The following PPP6C variants were observed in gnomAD, a reference collection of about 807,000 sequenced individuals.
The protein encoded by PPP6C is protein phosphatase 6 catalytic subunit, also known as serine/threonine-protein phosphatase 6 catalytic subunit.
Under a neutral mutation model 39.8 loss-of-function variants are expected in PPP6C, and 11 were observed. That is an observed-to-expected ratio of 0.28 (90% CI 0.17 to 0.46). The LOEUF is 0.46. PPP6C is among the 20% of genes least tolerant of loss of function. The pLI, the probability that PPP6C is intolerant of heterozygous loss-of-function variation, is 1.00. For missense variants in PPP6C, 211 were observed against 373.9 expected (o/e 0.56, Z 3.59); for synonymous variants, 129 against 130.3 (o/e 0.99, Z 0.07).
rs1402761632 is a variant in PPP6C, at chr9:125,153,973, GT to G, written c.391del (p.Thr131ProfsTer21). ...CCAGGCATTAGCATTTCCATATTTG[GT>G]TTGGCACTCATCTGTGAAAGAAACA... Reference protein sequence around the residue: ...QVYGFYDECQTKYGNANAWRY... With the variant: ...QVYGFYDECQXKYGNANAWRY... On this transcript the variant is annotated frameshift_variant, in exon 5 of 7. Coordinates refer to ENST00000373547, the MANE Select transcript of PPP6C (RefSeq NM_002721.5). LOFTEE classifies it high-confidence loss of function. The G allele has an allele frequency of 6.2e-7, 1 of 1,608,198 alleles. No homozygotes were observed. The highest frequency in any genetic ancestry group is 8.5e-7 in the Non-Finnish European group (1 of 1,174,966).
rs150207010 is a variant in PPP6C at position 125,181,780 on chromosome 9, T to C, written c.75+7864A>G. 2.8e-3 allele frequency among the ~76,000 whole-genome samples: 434 copies of C among 152,356 alleles called. 6 individuals carry two copies. The highest frequency in any genetic ancestry group is 0.018 in the East Asian group (91 of 5,184). Reference sequence around the variant, plus strand: ...GTAAACATGCAAGTGCATGCATCTTTATAGTAGAATGATTTATAATCCTTT... The same window carrying C: ...GTAAACATGCAAGTGCATGCATCTTCATAGTAGAATGATTTATAATCCTTT... On this transcript the variant is annotated intron_variant, in intron 1 of 6. Transcript: ENST00000373547.
intron 1 of PPP6C, among the ~76,000 whole-genome samples, chr9:125,181,953 C>A (rs566987976): frequency 6.6e-6 from 1 of 152,340 alleles, no homozygotes; most frequent in East Asian, 1.9e-4. Context: ...TCCAAATCGT[C>A]TCCAGCACCT....
chr9:125,162,815 C>T lies in PPP6C; in HGVS notation c.172-1909G>A, dbSNP rs1215209122. 4.0e-5 allele frequency among the ~76,000 whole-genome samples: 6 copies of T among 150,798 alleles called. No individual in the cohort carries two copies. The East Asian group carries it at 7.8e-4, about 20-fold the overall frequency. ...AAAGTGGGCCAAGCACAGAGGCTCACGCCTGTAATCCCAGCACTTTGGGAG... is the reference window on the plus strand; with the variant it reads ...AAAGTGGGCCAAGCACAGAGGCTCATGCCTGTAATCCCAGCACTTTGGGAG... On this transcript the variant is annotated intron_variant, in intron 2 of 6. Coordinates refer to ENST00000373547, the MANE Select transcript of PPP6C (RefSeq NM_002721.5).
chr9:125,173,999 T>G (rs773226357), intron 1 of PPP6C, among the ~76,000 whole-genome samples: 2 of 152,130 alleles, frequency 1.3e-5, no homozygotes, highest in African/African-American at 2.4e-5. Flanking sequence ...CCAAAAAATG[T>G]CATAGAAAGC....
chr9:125,180,777 T>C (rs945646054), intron 1 of PPP6C, among the ~76,000 whole-genome samples: 5 of 152,192 alleles, frequency 3.3e-5, no homozygotes, highest in African/African-American at 7.2e-5. Flanking sequence ...GTTCTCCTAG[T>C]CCATAAGGCC....
chr9:125,189,766 G>A lies in PPP6C; in HGVS notation c.-48C>T, dbSNP rs776599357. The A allele has an allele frequency of 6.5e-7, 1 of 1,544,112 alleles. No homozygotes were observed. Among genetic ancestry groups the A allele is most frequent in the Non-Finnish European group, 8.7e-7 (1 of 1,146,466 alleles). On this transcript the variant is annotated 5_prime_UTR_variant, in exon 1 of 7. Transcript: ENST00000373547. ...AACAGCGGCGGCGGCGGCTGTAGCA[G>A]CGGCGGCGGCAGCGGCGGAGGCCGA...
chr9:125,188,919 C>G (rs1287222139), intron 1 of PPP6C: 1 of 1,548,414 alleles, frequency 6.5e-7, no homozygotes, highest in Non-Finnish European at 8.7e-7. Context: ...AGGAACTCAC[C>G]TCCTTTAGAA....
At chr9:125,154,585 G>A (rs181429216) in intron 4 of PPP6C, among the ~76,000 whole-genome samples, 2 of 152,292 alleles carry the variant, frequency 1.3e-5, no homozygotes, top group African/African-American at 4.8e-5. Context: ...CATTAGAAGA[G>A]TTAAATACTA....
At chr9:125,179,890 A>C (rs560348968) in intron 1 of PPP6C, among the ~76,000 whole-genome samples, 1 of 152,188 alleles carries the variant, frequency 6.6e-6, no homozygotes, top group African/African-American at 2.4e-5. Context: ...TCCTGACCTC[A>C]GGTGATCCAC....
intron 6 of PPP6C, among the ~76,000 whole-genome samples, chr9:125,151,957 C>G (rs1835958399): frequency 6.6e-6 from 1 of 152,162 alleles, no homozygotes; most frequent in Non-Finnish European, 1.5e-5. Flanking sequence ...TTGTTGAGAA[C>G]AACCAGCAGC....
At chr9:125,160,177 G>A (rs1828826812) in intron 3 of PPP6C, among the ~76,000 whole-genome samples, 1 of 152,140 alleles carries the variant, frequency 6.6e-6, no homozygotes, top group African/African-American at 2.4e-5. Context: ...ATAGATTAAC[G>A]AGAGATAAAA....
intron 1 of PPP6C, 157 bp downstream of exon 1, chr9:125,189,487 C>T (rs1198182344): frequency 2.1e-6 from 3 of 1,452,296 alleles, no homozygotes; most frequent in African/African-American, 2.9e-5. Flanking sequence ...GCTCGCGAGA[C>T]CCTCGGCGTG....
chr9:125,180,387 T>C (rs1336297213), intron 1 of PPP6C, among the ~76,000 whole-genome samples: 1 of 152,198 alleles, frequency 6.6e-6, no homozygotes, highest in African/African-American at 2.4e-5. Flanking sequence ...AGAACAAATA[T>C]GCCAGGAACT....
intron 6 of PPP6C, chr9:125,151,404 C>G (rs1835938819): frequency 4.4e-6 from 4 of 914,882 alleles, no homozygotes; most frequent in Admixed American, 1.7e-5. Context: ...TCTGGTCCAG[C>G]TATTTCTCAC....
intron 6 of PPP6C, 46 bp downstream of exon 6, chr9:125,153,487 C>T (rs778129239): frequency 1.9e-6 from 3 of 1,553,946 alleles, no homozygotes; most frequent in Non-Finnish European, 2.6e-6. Flanking sequence ...CTCTATGCAG[C>T]CCATTAGCAA....
intron 6 of PPP6C, among the ~76,000 whole-genome samples, chr9:125,150,172 G>T (rs77350437): frequency 6.6e-6 from 1 of 152,016 alleles, no homozygotes; most frequent in African/African-American, 2.4e-5. Context: ...CATTCAATAG[G>T]TACTATGAAA....
At chr9:125,174,860 C>G (rs1829261410) in intron 1 of PPP6C, among the ~76,000 whole-genome samples, 1 of 151,736 alleles carries the variant, frequency 6.6e-6, no homozygotes, top group African/African-American at 2.4e-5. Flanking sequence ...TGCAGTGTGC[C>G]GAGATCGCGC....
chr9:125,160,977 A>G, intron 2 of PPP6C, 71 bp from the exon 3 acceptor site: 1 of 1,105,794 alleles, frequency 9.0e-7, no homozygotes, highest in Non-Finnish European at 1.3e-6. Flanking sequence ...ACTGAGAGTG[A>G]AATGTGTAAA....
intron 2 of PPP6C, among the ~76,000 whole-genome samples, chr9:125,161,823 C>T (rs1386979710): frequency 6.6e-6 from 1 of 152,106 alleles, no homozygotes; most frequent in Non-Finnish European, 1.5e-5. Flanking sequence ...ATTACCCTAG[C>T]CCTAATTTCC....
Sources: gnomAD v4.1 joint callset for allele counts (sites outside exome capture counted in the v4.1 genomes callset) on GRCh38, gnomAD v4.1.1 for gene constraint, MANE v1.5 for transcripts, NCBI Gene and HGNC (gene_info 2026-07-23, HGNC 2026-07-21) for gene names.